Variants in CCT6A observed in about 807,000 individuals in gnomAD.
CCT6A encodes the protein T-complex protein 1 subunit zeta.
CCT6A carries 6 observed loss-of-function variants against 58.6 expected under a neutral mutation model. The ratio of observed to expected loss-of-function variants is 0.10; its 90% CI spans 0.06 to 0.20. CCT6A has a LOEUF of 0.20. CCT6A is among the 10% of genes least tolerant of loss of function. CCT6A has a pLI of 1.00. For missense variants in CCT6A, 516 were observed against 648.8 expected (o/e 0.80, Z 2.22); for synonymous variants, 245 against 227.8 (o/e 1.08, Z -0.68).
rs752066708 is a variant in CCT6A at position 56,060,564 on chromosome 7, G to T, written c.1213+148G>T. The T allele has an allele frequency of 5.2e-6, 5 of 964,962 alleles. No individual in the cohort carries two copies. The African/African-American group carries it at 8.0e-5, about 15-fold the overall frequency. 59.8% of individuals were successfully genotyped at this position (964,962 alleles called of 1,614,324 possible). On this transcript the variant is annotated intron_variant, in intron 10 of 13. Coordinates refer to ENST00000275603, the MANE Select transcript of CCT6A (RefSeq NM_001762.4). ...TTAGAATGACTGATGGTATGCTAAG[G>T]TTTTTCATAGCATATCATTATTAAA...
At chr7:56,057,294 G>A (rs1278462407) in intron 5 of CCT6A, among the ~76,000 whole-genome samples, 1 of 152,100 alleles carries the variant, frequency 6.6e-6, no homozygotes, top group Non-Finnish European at 1.5e-5. Flanking sequence ...ATGAGAAGTA[G>A]TAGAGGAATT....
Position 56,063,911 on chromosome 7 carries a change from T to C in CCT6A, c.*826T>C. The C allele has an allele frequency of 3.3e-6, 1 of 299,278 alleles. No homozygotes were observed. The highest frequency in any genetic ancestry group is 4.8e-5 in the South Asian group (1 of 20,620). The allele number at this position is 299,278 out of a possible 1,614,324, so 18.5% of individuals were successfully genotyped here. A position where few individuals can be genotyped will look rare whatever the true frequency, so the allele number is the denominator to read the frequency against. On this transcript the variant is annotated 3_prime_UTR_variant, in exon 14 of 14. Transcript: ENST00000275603. ...TCTCTGCAGTCCTTGAAGGTGAAGT[T>C]GTGTGTTACTAGGCTGTGTTTTGGG...
intron 2 of CCT6A, among the ~76,000 whole-genome samples, chr7:56,053,699 G>C (rs1196551180): frequency 1.3e-5 from 2 of 152,132 alleles, no homozygotes; most frequent in African/African-American, 4.8e-5. Flanking sequence ...CTGAGGTTTC[G>C]GTGAGCCAAG....
intron 12 of CCT6A, 66 bp downstream of exon 12, chr7:56,061,915 G>T: frequency 3.4e-6 from 3 of 886,810 alleles, no homozygotes; most frequent in Non-Finnish European, 1.7e-6. Context: ...AGCCAGGAAA[G>T]ATTAAAAATG....
chr7:56,062,801 T>A (rs1465948221), intron 13 of CCT6A, 46 bp downstream of exon 13: 8 of 1,500,944 alleles, frequency 5.3e-6, no homozygotes, highest in Non-Finnish European at 7.4e-6. Flanking sequence ...AATCATACTT[T>A]TTTCATTTGG....
At chr7:56,060,160 T>C in intron 9 of CCT6A, 109 bp from the exon 10 acceptor site, 1 of 905,366 alleles carries the variant, frequency 1.1e-6, no homozygotes, top group Non-Finnish European at 1.7e-6. Flanking sequence ...TTTAATGTGA[T>C]CAAGTTTGTT....
chr7:56,060,690 AC>A, intron 10 of CCT6A, 116 bp from the exon 11 acceptor site: 1 of 1,305,978 alleles, frequency 7.7e-7, no homozygotes, highest in African/African-American at 1.5e-5. Flanking sequence ...TATGTTAGTC[AC>A]TTGTATTTTG....
chr7:56,055,540 C>G lies in CCT6A; in HGVS notation c.337-84C>G, dbSNP rs574216219. 9.6e-6 allele frequency: 11 copies of G among 1,149,870 alleles called. No individual in the cohort carries two copies. The South Asian group carries it at 1.5e-4, about 15-fold the overall frequency. The allele number at this position is 1,149,870 out of a possible 1,614,324, so 71.2% of individuals were successfully genotyped here. ...TTCAAAGGTATGATGATCCAGAACA[C>G]TCCTTCAATAATTACCTGAACTTTA... On this transcript the variant is annotated intron_variant, in intron 3 of 13. Coordinates refer to ENST00000275603, the MANE Select transcript of CCT6A (RefSeq NM_001762.4).
chr7:56,056,389 A>G lies in CCT6A; in HGVS notation c.589A>G (p.Lys197Glu). 2 of 1,578,032 alleles carry G rather than the reference A, an allele frequency of 1.3e-6. No individual in the cohort carries two copies. The highest frequency in any genetic ancestry group is 1.7e-6 in the Non-Finnish European group (2 of 1,147,174). ...CTTCATGATTGAGATCATGGAGATG[A>G]AACATAAATCTGAAACTGATACAAG... ...DLFMIEIMEM[K>E]HKSETDTSLI... Residue 197 changes from lysine to glutamate, a missense_variant, in exon 5 of 14, where the codon AAA (lysine) becomes GAA (glutamate). By Grantham distance (56) the Lys-to-Glu change is moderately conservative (BLOSUM62 1). Coordinates refer to ENST00000275603, the MANE Select transcript of CCT6A (RefSeq NM_001762.4).
chr7:56,054,894 A>G (rs1794271624), intron 3 of CCT6A, among the ~76,000 whole-genome samples: 1 of 152,208 alleles, frequency 6.6e-6, no homozygotes, highest in Non-Finnish European at 1.5e-5. Flanking sequence ...GTGAATATGA[A>G]TGTATTGTCA....
At chr7:56,056,590 G>A (rs923306911) in intron 5 of CCT6A, among the ~76,000 whole-genome samples, 176 bp downstream of exon 5, 2 of 151,618 alleles carry the variant, frequency 1.3e-5, no homozygotes, top group Non-Finnish European at 2.9e-5. Flanking sequence ...AGGCGTGCCG[G>A]GCATGACTGT....
chr7:56,055,470 C>T (rs1794285952), intron 3 of CCT6A, 154 bp from the exon 4 acceptor site: 4 of 716,302 alleles, frequency 5.6e-6, no homozygotes, highest in Admixed American at 4.4e-5. Context: ...GAATATTTGT[C>T]CTTTTAAATG....
At chr7:56,058,585 A>G in intron 7 of CCT6A, 35 bp from the exon 8 acceptor site, 1 of 1,581,666 alleles carries the variant, frequency 6.3e-7, no homozygotes, top group South Asian at 1.1e-5. Flanking sequence ...TTTTAAGGTG[A>G]AAGATGTTGA....
At position 56,063,958 on chromosome 7, in the gene CCT6A, G is replaced by T; in HGVS notation, c.*873G>T. On this transcript the variant is annotated 3_prime_UTR_variant, in exon 14 of 14. Coordinates refer to ENST00000275603, the MANE Select transcript of CCT6A (RefSeq NM_001762.4). ...TGGGATGTCAGCAGTGGCCTGAAGT[G>T]AGTTGTGCAATAAATGTTAAGTTGA... 2.3e-6 allele frequency: 1 copy of T among 432,576 alleles called. No homozygotes were observed. Among genetic ancestry groups the T allele is most frequent in the Non-Finnish European group, 4.1e-6 (1 of 243,958 alleles). 26.8% of individuals were successfully genotyped at this position (432,576 alleles called of 1,614,324 possible).
chr7:56,061,224 TATC>T (rs1209084222), intron 11 of CCT6A, among the ~76,000 whole-genome samples: 1 of 152,228 alleles, frequency 6.6e-6, no homozygotes, highest in African/African-American at 2.4e-5. Flanking sequence ...TTTAAACTGA[TATC>T]ATTGTTTTCT....
chr7:56,059,697 GTTTGT>G (rs1794391694), intron 9 of CCT6A, 57 bp downstream of exon 9: 2 of 883,592 alleles, frequency 2.3e-6, no homozygotes, highest in East Asian at 4.9e-5. Flanking sequence ...AATTATTTTT[GTTTGT>G]TTGTTTGAGG....
At chr7:56,055,466 T>G in intron 3 of CCT6A, 158 bp from the exon 4 acceptor site, 1 of 710,980 alleles carries the variant, frequency 1.4e-6, no homozygotes, top group South Asian at 1.7e-5. Context: ...AAAGGAATAT[T>G]TGTCCTTTTA....
At chr7:56,054,839 C>G (rs1794270394) in intron 3 of CCT6A, among the ~76,000 whole-genome samples, 2 of 152,148 alleles carry the variant, frequency 1.3e-5, no homozygotes, top group African/African-American at 2.4e-5. Context: ...TGGATAAATT[C>G]CACTTTTTTA....
Position 56,058,120 on chromosome 7 carries a change from T to A in CCT6A, c.725+17T>A. 1 of 1,365,392 alleles carries A rather than the reference T, an allele frequency of 7.3e-7. No homozygotes were observed. Among genetic ancestry groups the A allele is most frequent in the South Asian group, 1.2e-5 (1 of 85,242 alleles). 84.6% of individuals were successfully genotyped at this position (1,365,392 alleles called of 1,614,324 possible). On this transcript the variant is annotated intron_variant, in intron 6 of 13. Transcript: ENST00000275603. ...TGAGAAAACGTAAGTTTATAGCCCC[T>A]TAACAGTGAAATGGAGAAGCTTCGT...
Sources: gnomAD v4.1 joint callset for allele counts (sites outside exome capture counted in the v4.1 genomes callset) on GRCh38, gnomAD v4.1.1 for gene constraint, MANE v1.5 for transcripts, NCBI Gene and HGNC (gene_info 2026-07-23, HGNC 2026-07-21) for gene names.